Variants in NKAIN2 observed in about 807,000 individuals in gnomAD.
NKAIN2 encodes sodium/potassium transporting ATPase interacting 2, also known as sodium/potassium-transporting ATPase subunit beta-1-interacting protein 2.
In NKAIN2, 14 loss-of-function variants were observed where a neutral mutation model predicts 32.6. The ratio of observed to expected loss-of-function variants is 0.43; its 90% CI spans 0.28 to 0.67. The LOEUF (loss-of-function observed/expected upper bound fraction) is 0.67. Among genes scored for constraint, NKAIN2 ranks in the 30% least tolerant of loss-of-function variants. The pLI, the probability that NKAIN2 is intolerant of heterozygous loss-of-function variation, is 0.17. For missense variants in NKAIN2, 198 were observed against 258.3 expected (o/e 0.77, Z 1.60); for synonymous variants, 80 against 87.2 (o/e 0.92, Z 0.46).
At chr6:124,503,640 A>T (rs581082) in intron 3 of NKAIN2, among the ~76,000 whole-genome samples, 1 of 151,990 alleles carries the variant, frequency 6.6e-6, no homozygotes, top group Non-Finnish European at 1.5e-5. Context: ...TTCAAAGAAT[A>T]GTTCTTCAAT....
intron 3 of NKAIN2, among the ~76,000 whole-genome samples, chr6:124,592,997 C>G (rs1419193770): frequency 2.0e-5 from 3 of 152,120 alleles, no homozygotes; most frequent in Non-Finnish European, 4.4e-5. Flanking sequence ...GTAATCTTCC[C>G]CCTACTAACA....
chr6:124,825,532 T>C lies in NKAIN2; in HGVS notation c.*2303T>C, dbSNP rs1035624962. The C allele has an allele frequency of 2.1e-4, 32 of 152,652 alleles. No homozygotes were observed. Among genetic ancestry groups the C allele is most frequent in the Non-Finnish European group, 1.9e-4 (13 of 68,038 alleles). The allele number at this position is 152,652 out of a possible 1,614,324, so 9.5% of individuals were successfully genotyped here. Reference sequence around the variant, plus strand: ...CAGAAGGCAAGGGTTATGATCCTGATGTGTCCTTTTTTTTTGCATTTGTTA... The same window carrying C: ...CAGAAGGCAAGGGTTATGATCCTGACGTGTCCTTTTTTTTTGCATTTGTTA... On this transcript the variant is annotated 3_prime_UTR_variant, in exon 7 of 7. Coordinates refer to ENST00000368417, the MANE Select transcript of NKAIN2 (RefSeq NM_001040214.3).
chr6:124,698,616 T>C lies in NKAIN2; in HGVS notation c.474+40230T>C, dbSNP rs1170330881. Among the ~76,000 whole-genome samples the C allele has an allele frequency of 3.9e-5, 6 of 152,318 alleles. No homozygotes were observed. In the East Asian group the frequency reaches 9.7e-4, roughly 25 times the overall value. ...CAATCTTGCAGGATAATTACTTTGC[T>C]CTCTAGAAAAGAAGTCCTTTTCTCA... On this transcript the variant is annotated intron_variant, in intron 4 of 6. Transcript: ENST00000368417.
intron 2 of NKAIN2, among the ~76,000 whole-genome samples, chr6:124,321,462 G>C (rs980492892): frequency 4.6e-5 from 7 of 152,050 alleles, no homozygotes; most frequent in Non-Finnish European, 7.4e-5. Flanking sequence ...AGAACTTAAA[G>C]TATAATAAAA....
chr6:124,537,144 A>G lies in NKAIN2; in HGVS notation c.274-121042A>G, dbSNP rs567904708. On this transcript the variant is annotated intron_variant, in intron 3 of 6. Transcript: ENST00000368417. ...ACCATGCAGTTTCTCTTCCCCAGGCATGAACTCTATGAGCTCACAGCTGCT... is the reference window on the plus strand; with the variant it reads ...ACCATGCAGTTTCTCTTCCCCAGGCGTGAACTCTATGAGCTCACAGCTGCT... Among the ~76,000 whole-genome samples, 17 of 152,314 alleles carry G rather than the reference A, an allele frequency of 1.1e-4. No homozygotes were observed. In the South Asian group the frequency reaches 3.5e-3, roughly 32 times the overall value.
chr6:124,815,072 G>C (rs1781082191), intron 5 of NKAIN2, among the ~76,000 whole-genome samples: 1 of 151,610 alleles, frequency 6.6e-6, no homozygotes, highest in African/African-American at 2.4e-5. Context: ...ATCCTACTAA[G>C]AGGGAAGCTC....
intron 4 of NKAIN2, among the ~76,000 whole-genome samples, chr6:124,774,481 G>T (rs796681506): frequency 6.6e-6 from 1 of 152,144 alleles, no homozygotes; most frequent in African/African-American, 2.4e-5. Flanking sequence ...TTTGCACATA[G>T]TAAGTTTGAA....
At chr6:123,924,852 A>T (rs1427647008) in intron 1 of NKAIN2, among the ~76,000 whole-genome samples, 1 of 152,134 alleles carries the variant, frequency 6.6e-6, no homozygotes, top group Non-Finnish European at 1.5e-5. Context: ...TCAAGAATGA[A>T]ACTAGGAGAT....
chr6:124,291,383 A>T (rs1313015224), intron 2 of NKAIN2, among the ~76,000 whole-genome samples: 1 of 151,996 alleles, frequency 6.6e-6, no homozygotes, highest in Non-Finnish European at 1.5e-5. Context: ...CTTATAGAAG[A>T]CTTTGTTGTG....
intron 1 of NKAIN2, among the ~76,000 whole-genome samples, chr6:124,229,489 T>C (rs1019348311): frequency 3.2e-4 from 42 of 132,626 alleles, no homozygotes; most frequent in Non-Finnish European, 5.6e-4. Flanking sequence ...CAAAGATAGA[T>C]AGATAGATAG....
chr6:124,602,677 A>G (rs2114983509), intron 3 of NKAIN2, among the ~76,000 whole-genome samples: 1 of 152,086 alleles, frequency 6.6e-6, no homozygotes, highest in South Asian at 2.1e-4. Flanking sequence ...TCTTTGTTCT[A>G]CTTTTAACTT....
intron 3 of NKAIN2, among the ~76,000 whole-genome samples, chr6:124,371,520 C>T (rs531158648): frequency 2.6e-4 from 39 of 151,768 alleles, no homozygotes; most frequent in Non-Finnish European, 2.8e-4. Flanking sequence ...GGTGAAACCC[C>T]GTCTCTACTA....
At chr6:124,174,942 T>C (rs1200536631) in intron 1 of NKAIN2, among the ~76,000 whole-genome samples, 1 of 152,220 alleles carries the variant, frequency 6.6e-6, no homozygotes, top group African/African-American at 2.4e-5. Flanking sequence ...TAGTAAAATG[T>C]ATATGTAAAT....
At chr6:124,082,817 G>C (rs1347330048) in intron 1 of NKAIN2, among the ~76,000 whole-genome samples, 1 of 151,892 alleles carries the variant, frequency 6.6e-6, no homozygotes, top group African/African-American at 2.4e-5. Context: ...ATTGGGAATT[G>C]AGAAATTTAC....
chr6:124,134,231 T>A (rs1262528824), intron 1 of NKAIN2, among the ~76,000 whole-genome samples: 1 of 151,852 alleles, frequency 6.6e-6, no homozygotes, highest in African/African-American at 2.4e-5. Context: ...AAAGACACAC[T>A]TAGGGAAATA....
At chr6:124,655,971 G>A (rs1038425908) in intron 3 of NKAIN2, among the ~76,000 whole-genome samples, 8 of 152,006 alleles carry the variant, frequency 5.3e-5, no homozygotes, top group Admixed American at 4.6e-4. Flanking sequence ...ACTGGATTGT[G>A]TTCTTGCTGG....
chr6:124,040,526 A>G (rs1781821187), intron 1 of NKAIN2, among the ~76,000 whole-genome samples: 1 of 151,952 alleles, frequency 6.6e-6, no homozygotes, highest in African/African-American at 2.4e-5. Context: ...TTTTGAAGAC[A>G]TTTTAATTTT....
chr6:124,563,148 C>T (rs1780766969), intron 3 of NKAIN2, among the ~76,000 whole-genome samples: 1 of 138,356 alleles, frequency 7.2e-6, no homozygotes, highest in Admixed American at 6.8e-5. Context: ...TTGTAATCTG[C>T]CCCCCTTGGC....
chr6:123,987,046 A>G (rs888943645), intron 1 of NKAIN2, among the ~76,000 whole-genome samples: 1 of 152,210 alleles, frequency 6.6e-6, no homozygotes, highest in African/African-American at 2.4e-5. Flanking sequence ...CATGAGTGAG[A>G]TGAGAATGTA....
Sources: gnomAD v4.1 joint callset for allele counts (sites outside exome capture counted in the v4.1 genomes callset) on GRCh38, gnomAD v4.1.1 for gene constraint, MANE v1.5 for transcripts, NCBI Gene and HGNC (gene_info 2026-07-23, HGNC 2026-07-21) for gene names.